RBFOX1: variants seen among roughly 807,000 people sequenced by gnomAD.
RBFOX1 encodes the protein RNA binding protein fox-1 homolog 1.
A neutral mutation model predicts 57.7 loss-of-function variants in RBFOX1; 8 were observed. The observed-to-expected ratio is 0.14, with a 90% CI of 0.08 to 0.25. The LOEUF is 0.25. Among genes scored for constraint, RBFOX1 ranks in the 10% least tolerant of loss-of-function variants. RBFOX1 has a pLI of 1.00. For missense variants in RBFOX1, 611 were observed against 548.5 expected (o/e 1.11, Z -1.14); for synonymous variants, 326 against 222.4 (o/e 1.47, Z -4.15).
chr16:7,441,430 A>G (rs1484751270), intron 4 of RBFOX1, among the ~76,000 whole-genome samples: 1 of 152,176 alleles, frequency 6.6e-6, no homozygotes, highest in East Asian at 1.9e-4. Flanking sequence ...GCCTCCCATT[A>G]CAGAAGAGCA....
At chr16:5,986,182 G>C (rs2060282884) in intron 4 of RBFOX1, among the ~76,000 whole-genome samples, 1 of 151,644 alleles carries the variant, frequency 6.6e-6, no homozygotes, top group African/African-American at 2.4e-5. Context: ...TCCTGCCTCA[G>C]CCTCCCAGGT....
chr16:6,112,004 C>G (rs929421515), intron 1 of RBFOX1, among the ~76,000 whole-genome samples: 2 of 151,408 alleles, frequency 1.3e-5, no homozygotes, highest in Non-Finnish European at 3.0e-5. Flanking sequence ...GTCTCATTTT[C>G]CATTTAGTGA....
chr16:7,286,989 A>G (rs1051764432), intron 4 of RBFOX1, among the ~76,000 whole-genome samples: 2 of 152,070 alleles, frequency 1.3e-5, no homozygotes, highest in African/African-American at 4.8e-5. Flanking sequence ...CTACATAACC[A>G]CTTGCCTCAT....
intron 3 of RBFOX1, among the ~76,000 whole-genome samples, chr16:6,905,521 C>G (rs1000888297): frequency 6.7e-6 from 1 of 149,574 alleles, no homozygotes; most frequent in Non-Finnish European, 1.5e-5. Flanking sequence ...CCACTGCACT[C>G]TAGCCTAGGG....
chr16:5,925,502 C>A (rs745902901), intron 4 of RBFOX1, among the ~76,000 whole-genome samples: 1 of 152,080 alleles, frequency 6.6e-6, no homozygotes, highest in Non-Finnish European at 1.5e-5. Flanking sequence ...TAAACTTGGA[C>A]GTGATTCGTG....
rs118171088 is a variant in RBFOX1 at position 6,161,504 on chromosome 16, T to G, written c.-127+141512T>G. Among the ~76,000 whole-genome samples the G allele has an allele frequency of 1.5e-3, 231 of 152,158 alleles. 1 individual carries two copies. The East Asian group carries it at 0.042, about 28-fold the overall frequency. On this transcript the variant is annotated intron_variant, in intron 1 of 15. Transcript: ENST00000550418. ...TAGCCCACACAAGGGAAGCAGGGGTTTTGTCCTGCAGAGAAAACCTCATAG... is the reference window on the plus strand; with the variant it reads ...TAGCCCACACAAGGGAAGCAGGGGTGTTGTCCTGCAGAGAAAACCTCATAG...
At chr16:6,589,604 G>T (rs1040953281) in intron 2 of RBFOX1, among the ~76,000 whole-genome samples, 2 of 152,206 alleles carry the variant, frequency 1.3e-5, no homozygotes, top group Admixed American at 1.3e-4. Flanking sequence ...GCAATCTGGG[G>T]AGGTTCAAAA....
intron 1 of RBFOX1, among the ~76,000 whole-genome samples, chr16:5,349,626 C>A (rs562450930): frequency 6.6e-6 from 1 of 152,180 alleles, no homozygotes; most frequent in South Asian, 2.1e-4. Flanking sequence ...TGAGCCAGAC[C>A]ATGCCATTGC....
intron 2 of RBFOX1, among the ~76,000 whole-genome samples, chr16:6,526,798 C>A (rs992782468): frequency 7.4e-6 from 1 of 134,504 alleles, no homozygotes; most frequent in Non-Finnish European, 1.5e-5. Flanking sequence ...CTACCACACT[C>A]CACCCTTGGC....
chr16:5,661,527 A>G (rs1288078860), intron 3 of RBFOX1, among the ~76,000 whole-genome samples: 2 of 152,228 alleles, frequency 1.3e-5, no homozygotes, highest in South Asian at 2.1e-4. Flanking sequence ...GTCTTTATCT[A>G]TTAAGTTTTT....
At position 7,369,322 on chromosome 16, in the gene RBFOX1, A is replaced by C. The variant is rs1278014981; in HGVS notation, c.28-148825A>C. On this transcript the variant is annotated intron_variant, in intron 4 of 15. Transcript: ENST00000550418. ...CTCAAAGCCTGTTGTTGCATGCTTC[A>C]TCCAGCTTTTCTGCAAAGTGGAGGC... Among the ~76,000 whole-genome samples the C allele has an allele frequency of 2.0e-5, 3 of 152,236 alleles. No homozygotes were observed. The East Asian group carries it at 5.8e-4, about 29-fold the overall frequency.
chr16:5,604,083 G>T (rs1336342032), downstream of RBFOX1, among the ~76,000 whole-genome samples: 1 of 152,090 alleles, frequency 6.6e-6, no homozygotes, highest in Non-Finnish European at 1.5e-5. Context: ...CCCTTCTATA[G>T]CCAAGGCAGT....
At position 7,204,512 on chromosome 16, in the gene RBFOX1, G is replaced by A. The variant is rs142756922; in HGVS notation, c.27+152414G>A. ...TAATAGTAAATTAGCCAGGCATGGT[G>A]ATATGCACCTGTAGTCCCAGTTACG... is the stretch of plus-strand genomic sequence containing the variant. On this transcript the variant is annotated intron_variant, in intron 4 of 15. Transcript: ENST00000550418. 3.3e-3 allele frequency among the ~76,000 whole-genome samples: 504 copies of A among 152,258 alleles called. 2 individuals carry two copies. The highest frequency in any genetic ancestry group is 0.012 in the African/African-American group (480 of 41,538).
At chr16:6,183,121 G>A (rs1161554825) in intron 1 of RBFOX1, among the ~76,000 whole-genome samples, 9 of 152,104 alleles carry the variant, frequency 5.9e-5, no homozygotes, top group Non-Finnish European at 1.5e-5. Context: ...TTGGGTGTCA[G>A]GTGGCATGTG....
At chr16:6,615,761 C>T (rs184524589) in intron 2 of RBFOX1, among the ~76,000 whole-genome samples, 73 of 152,280 alleles carry the variant, frequency 4.8e-4, no homozygotes, top group African/African-American at 1.7e-3. Flanking sequence ...TCCGTCTTTT[C>T]TCATGCACGT....
chr16:5,950,108 T>A (rs980212039), intron 4 of RBFOX1, among the ~76,000 whole-genome samples: 1 of 152,360 alleles, frequency 6.6e-6, no homozygotes, highest in African/African-American at 2.4e-5. Context: ...TCTTCTGCAA[T>A]GTAGAGACGT....
chr16:7,019,805 C>T (rs1336453895), intron 3 of RBFOX1, among the ~76,000 whole-genome samples: 1 of 152,184 alleles, frequency 6.6e-6, no homozygotes, highest in African/African-American at 2.4e-5. Context: ...CCCCAATTCC[C>T]ATTAATCCTG....
intron 2 of RBFOX1, among the ~76,000 whole-genome samples, chr16:6,624,791 T>G (rs1392252798): frequency 5.3e-5 from 8 of 152,116 alleles, no homozygotes; most frequent in East Asian, 1.9e-4. Flanking sequence ...ATTCTTTAAT[T>G]TTTTCATTTT....
chr16:7,414,195 C>G (rs2098457467), intron 4 of RBFOX1, among the ~76,000 whole-genome samples: 1 of 152,214 alleles, frequency 6.6e-6, no homozygotes, highest in Non-Finnish European at 1.5e-5. Context: ...CTTCCATGCA[C>G]CAAGATGGGA....
Sources: allele counts gnomAD v4.1 joint callset (sites outside exome capture counted in the v4.1 genomes callset), GRCh38; gene constraint gnomAD v4.1.1; transcripts MANE v1.5; gene names NCBI Gene and HGNC (gene_info 2026-07-23, HGNC 2026-07-21).